MARCHF1: variants seen among roughly 807,000 people sequenced by gnomAD.
MARCHF1 encodes E3 ubiquitin-protein ligase MARCHF1.
In MARCHF1, 40 loss-of-function variants were observed where a neutral mutation model predicts 54.2. That is an observed-to-expected ratio of 0.74 (90% CI 0.57 to 0.96). MARCHF1 has a LOEUF of 0.96. MARCHF1 is among the 40% of genes least tolerant of loss of function. MARCHF1 has a pLI of 0.00. For synonymous variants in MARCHF1, 236 were observed against 236.3 expected, an observed-to-expected ratio of 1.00 and a Z score of 0.01; for missense variants, 586 against 656.5, an observed-to-expected ratio of 0.89 and a Z score of 1.17.
intron 1 of MARCHF1, among the ~76,000 whole-genome samples, chr4:164,187,377 G>A (rs1730997568): frequency 6.6e-6 from 1 of 152,144 alleles, no homozygotes; most frequent in African/African-American, 2.4e-5. Flanking sequence ...CTCTAAAGTG[G>A]AGGATGAGCA....
chr4:163,635,251 G>C (rs1210855456), intron 5 of MARCHF1, among the ~76,000 whole-genome samples: 1 of 113,880 alleles, frequency 8.8e-6, no homozygotes. Flanking sequence ...TAAAATCAGA[G>C]CAGAACTGAA....
intron 4 of MARCHF1, among the ~76,000 whole-genome samples, chr4:163,753,440 C>A (rs1407027860): frequency 6.6e-6 from 1 of 151,962 alleles, no homozygotes; most frequent in African/African-American, 2.4e-5. Context: ...GCTATTTATT[C>A]TCTCTTTTTT....
At chr4:164,166,633 G>A (rs1388139979) in intron 1 of MARCHF1, among the ~76,000 whole-genome samples, 1 of 151,838 alleles carries the variant, frequency 6.6e-6, no homozygotes, top group African/African-American at 2.4e-5. Context: ...GCATAGTACT[G>A]GAAGTACTAG....
intron 2 of MARCHF1, among the ~76,000 whole-genome samples, chr4:164,071,238 A>T (rs1166390223): frequency 6.6e-6 from 1 of 152,206 alleles, no homozygotes; most frequent in Non-Finnish European, 1.5e-5. Context: ...TCAATTGTAT[A>T]TGGTAATTTT....
intron 4 of MARCHF1, among the ~76,000 whole-genome samples, chr4:163,736,856 T>C (rs1221094077): frequency 6.6e-6 from 1 of 152,152 alleles, no homozygotes; most frequent in East Asian, 1.9e-4. Flanking sequence ...AAAAATAAAG[T>C]CTTGCATAAA....
At chr4:164,349,480 A>C (rs1044545683) in intron 1 of MARCHF1, among the ~76,000 whole-genome samples, 2 of 152,186 alleles carry the variant, frequency 1.3e-5, no homozygotes, top group Non-Finnish European at 2.9e-5. Context: ...TCTTTATATA[A>C]GAAAGGCTGG....
chr4:163,961,007 C>G (rs28552485), intron 3 of MARCHF1, among the ~76,000 whole-genome samples: 4,505 of 151,790 alleles, frequency 0.03, 207 homozygotes, highest in African/African-American at 0.1. Flanking sequence ...GGAGAGTTCC[C>G]TGATGTCTGT....
At chr4:164,004,879 T>C (rs889433525) in intron 2 of MARCHF1, among the ~76,000 whole-genome samples, 1 of 151,628 alleles carries the variant, frequency 6.6e-6, no homozygotes, top group Non-Finnish European at 1.5e-5. Flanking sequence ...TCATACTTCA[T>C]GAAAGAGAAG....
intron 5 of MARCHF1, among the ~76,000 whole-genome samples, chr4:163,697,939 G>T (rs1744686591): frequency 6.6e-6 from 1 of 152,146 alleles, no homozygotes; most frequent in South Asian, 2.1e-4. Flanking sequence ...TTTATTGGCT[G>T]AAAAAGATAT....
Position 164,089,963 on chromosome 4 carries a change from A to C in MARCHF1, c.-248+21625T>G, listed in dbSNP as rs149816073. 3.0e-3 allele frequency among the ~76,000 whole-genome samples: 448 copies of C among 151,184 alleles called. 4 individuals carry two copies. The highest frequency in any genetic ancestry group is 0.01 in the African/African-American group (415 of 41,460). ...AAATTATATTTTCTTAGAAAATTTTAATATATATATATTTCTGTAGAAATA... is the reference window on the plus strand; with the variant it reads ...AAATTATATTTTCTTAGAAAATTTTCATATATATATATTTCTGTAGAAATA... On this transcript the variant is annotated intron_variant, in intron 2 of 9. Coordinates refer to ENST00000514618, the MANE Select transcript of MARCHF1 (RefSeq NM_001394959.1).
At chr4:164,252,338 A>T (rs372473011) in intron 1 of MARCHF1, among the ~76,000 whole-genome samples, 382 of 77,418 alleles carry the variant, frequency 4.9e-3, no homozygotes, top group African/African-American at 0.024. Flanking sequence ...AAAAAACAAA[A>T]CAAAACAAAA....
intron 5 of MARCHF1, among the ~76,000 whole-genome samples, chr4:163,614,563 T>C (rs990986850): frequency 2.0e-5 from 3 of 152,084 alleles, no homozygotes; most frequent in Non-Finnish European, 4.4e-5. Flanking sequence ...AATTCTCATA[T>C]TGGAACTATG....
intron 4 of MARCHF1, among the ~76,000 whole-genome samples, chr4:163,843,422 C>T (rs926244811): frequency 6.6e-6 from 1 of 151,934 alleles, no homozygotes; most frequent in Non-Finnish European, 1.5e-5. Context: ...TGTTTTAAGT[C>T]CTTTGAGGAA....
chr4:163,750,690 G>A (rs1234287931), intron 4 of MARCHF1, among the ~76,000 whole-genome samples: 1 of 152,050 alleles, frequency 6.6e-6, no homozygotes, highest in Non-Finnish European at 1.5e-5. Context: ...CTCATTTTAT[G>A]AAGTTAGCAT....
intron 4 of MARCHF1, among the ~76,000 whole-genome samples, chr4:163,746,627 G>A (rs185321915): frequency 4.1e-4 from 63 of 152,256 alleles, no homozygotes; most frequent in African/African-American, 1.4e-3. Context: ...TATTCCTGCA[G>A]TATCCTGTTC....
At chr4:163,598,625 G>A (rs550569420) in intron 7 of MARCHF1, among the ~76,000 whole-genome samples, 1 of 152,326 alleles carries the variant, frequency 6.6e-6, no homozygotes, top group Non-Finnish European at 1.5e-5. Context: ...AAAAGGTACA[G>A]TAATGATATG....
At chr4:164,120,836 T>A (rs1756051688) in intron 1 of MARCHF1, among the ~76,000 whole-genome samples, 1 of 152,038 alleles carries the variant, frequency 6.6e-6, no homozygotes, top group Admixed American at 6.6e-5. Flanking sequence ...GCAAAAGCAG[T>A]ACTAAGAGGG....
Position 164,245,536 on chromosome 4 carries a change from G to A in MARCHF1, c.-322-133874C>T, listed in dbSNP as rs1291924336. Among the ~76,000 whole-genome samples, 83 of 151,762 alleles carry A rather than the reference G, an allele frequency of 5.5e-4. 1 individual carries two copies. The East Asian group carries it at 0.016, about 29-fold the overall frequency. ...CTGGAAGCATTCCCTTTGAAAACTG[G>A]CACAAGACAGGGATGCCCTCTCTTA... On this transcript the variant is annotated intron_variant, in intron 1 of 9. Transcript: ENST00000514618.
Position 164,264,645 on chromosome 4 carries a change from C to T in MARCHF1, c.-323+119225G>A, listed in dbSNP as rs868126540. Among the ~76,000 whole-genome samples, 45 of 152,146 alleles carry T rather than the reference C, an allele frequency of 3.0e-4. No homozygotes were observed. In the Middle Eastern group the frequency reaches 0.017, roughly 58 times the overall value. On this transcript the variant is annotated intron_variant, in intron 1 of 9. Transcript: ENST00000514618. ...GATATGAGACCCACCACTGGCTGGA[C>T]GCAGTGGCTCACACCTGTAATCCCA... is the stretch of plus-strand genomic sequence containing the variant.
Sources: gnomAD v4.1 joint callset for allele counts (sites outside exome capture counted in the v4.1 genomes callset) on GRCh38, gnomAD v4.1.1 for gene constraint, MANE v1.5 for transcripts, NCBI Gene and HGNC (gene_info 2026-07-23, HGNC 2026-07-21) for gene names.